Variants in C12orf42 observed in about 807,000 individuals in gnomAD.
C12orf42 encodes the protein chromosome 12 open reading frame 42, also known as uncharacterized protein C12orf42.
Under a neutral mutation model 21.6 loss-of-function variants are expected in C12orf42, and 25 were observed. That is an observed-to-expected ratio of 1.16 (90% CI 0.84 to 1.62). The LOEUF is 1.62. Ranked by LOEUF, C12orf42 falls within the 40% of genes most tolerant of loss-of-function variation. The pLI is 0.00. For synonymous variants in C12orf42, 174 were observed against 175.0 expected, an observed-to-expected ratio of 0.99 and a Z score of 0.05; for missense variants, 483 against 459.3, an observed-to-expected ratio of 1.05 and a Z score of -0.47.
At chr12:103,307,129 AT>A (rs1183574389) in intron 4 of C12orf42, among the ~76,000 whole-genome samples, 2 of 152,150 alleles carry the variant, frequency 1.3e-5, no homozygotes, top group African/African-American at 4.8e-5. Flanking sequence ...TAAGTCACCC[AT>A]TTTGTGGTAA....
rs372738489 is a variant in C12orf42 at position 103,368,987 on chromosome 12, A to G, written c.159T>C (p.Cys53=). The change falls in exon 4 of 6, where the codon TGT becomes TGC. Residue 53 remains cysteine (C), a synonymous_variant. Transcript: ENST00000548883. ...RSTPSAKHIP[C]YERTSVPCSR... is the part of the protein sequence containing the mutation. Reference sequence around the variant, plus strand: ...AGCAGGGTACTGAAGTTCTTTCATAACAAGGGATGTGCTGTAAGATAGAGG... The same window carrying G: ...AGCAGGGTACTGAAGTTCTTTCATAGCAAGGGATGTGCTGTAAGATAGAGG... 51 of 1,582,536 alleles carry G rather than the reference A, an allele frequency of 3.2e-5. No homozygotes were observed. In the African/African-American group the frequency reaches 6.5e-4, roughly 20 times the overall value.
upstream of C12orf42, among the ~76,000 whole-genome samples, chr12:103,497,361 T>C (rs771348784): frequency 1.3e-5 from 2 of 152,224 alleles, no homozygotes; most frequent in African/African-American, 2.4e-5. Flanking sequence ...AAGGTACTCC[T>C]AAATACATAG....
chr12:103,392,183 A>C (rs547324317), intron 3 of C12orf42, among the ~76,000 whole-genome samples: 1 of 152,276 alleles, frequency 6.6e-6, no homozygotes, highest in East Asian at 1.9e-4. Context: ...ATCAGTTTAT[A>C]TGCCTATCTG....
chr12:103,342,636 A>C (rs1373386533), intron 4 of C12orf42, among the ~76,000 whole-genome samples: 1 of 150,090 alleles, frequency 6.7e-6, no homozygotes, highest in East Asian at 2.0e-4. Context: ...CCAGATTCAA[A>C]GATTATATAT....
the C12orf42 span, among the ~76,000 whole-genome samples, chr12:103,507,263 AAT>A: frequency 4.7e-4 from 27 of 57,278 alleles, no homozygotes; most frequent in Non-Finnish European, 6.0e-4. Flanking sequence ...ATAAATATAT[AAT>A]ATATATATTA....
chr12:103,089,248 C>T, the C12orf42 span, among the ~76,000 whole-genome samples: 2 of 152,012 alleles, frequency 1.3e-5, 1 homozygote, highest in Non-Finnish European at 2.9e-5. Flanking sequence ...GACCCTGAGT[C>T]AGAACCACTC....
chr12:103,507,102 AT>A, the C12orf42 span, among the ~76,000 whole-genome samples: 4 of 11,884 alleles, frequency 3.4e-4, no homozygotes, highest in Admixed American at 1.6e-3. Context: ...TATTATATAT[AT>A]AATATAAATA....
At chr12:103,163,830 C>T in the C12orf42 span, among the ~76,000 whole-genome samples, 10 of 152,056 alleles carry the variant, frequency 6.6e-5, no homozygotes, top group Non-Finnish European at 4.4e-5. Flanking sequence ...AGTTAAAGTG[C>T]CTACTTCATA....
intron 3 of C12orf42, among the ~76,000 whole-genome samples, chr12:103,398,434 T>C (rs1001298122): frequency 1.3e-5 from 2 of 152,202 alleles, no homozygotes; most frequent in African/African-American, 4.8e-5. Context: ...TGTTAGTATT[T>C]GCTCTCCAAA....
chr12:103,335,930 G>T (rs1409379522), intron 4 of C12orf42, among the ~76,000 whole-genome samples: 1 of 152,182 alleles, frequency 6.6e-6, no homozygotes, highest in African/African-American at 2.4e-5. Flanking sequence ...AATAATATCT[G>T]CATGGCCCTC....
intron 4 of C12orf42, among the ~76,000 whole-genome samples, chr12:103,292,576 T>C (rs2036892570): frequency 6.6e-6 from 1 of 152,080 alleles, no homozygotes; most frequent in African/African-American, 2.4e-5. Flanking sequence ...ATCAACACTA[T>C]CAGTATTACT....
intron 2 of C12orf42, among the ~76,000 whole-genome samples, chr12:103,470,700 C>CT (rs1207475691): frequency 6.6e-6 from 1 of 152,158 alleles, no homozygotes; most frequent in African/African-American, 2.4e-5. Context: ...TTTGGGAACA[C>CT]TTGTTCTTGG....
chr12:103,403,170 T>C (rs992445778), intron 2 of C12orf42, among the ~76,000 whole-genome samples: 60 of 151,934 alleles, frequency 3.9e-4, no homozygotes, highest in African/African-American at 1.4e-3. Flanking sequence ...GGTCAGGAGA[T>C]CGAGACCACC....
In C12orf42 at chr12:103,455,982, G is replaced by A. The variant is rs534252897; in HGVS notation, c.78+22367C>T. Among the ~76,000 whole-genome samples the A allele has an allele frequency of 3.9e-5, 6 of 152,138 alleles. No individual in the cohort carries two copies. The East Asian group carries it at 1.2e-3, about 29-fold the overall frequency. On this transcript the variant is annotated intron_variant, in intron 2 of 5. Transcript: ENST00000548883. The stretch of plus-strand genomic sequence containing the variant: ...AGAACTCTCACAGAACAAGTTAAGG[G>A]AAGCAACTTCATTACTCATACATAG...
rs556243478 is a variant in C12orf42, at chr12:103,466,109, C to T, written c.78+12240G>A. ...CTTTTGGTATCAGGATGATGCTGGT[C>T]TCATAAAATGACTTAGGGAGGTGTC... On this transcript the variant is annotated intron_variant, in intron 2 of 5. Transcript: ENST00000548883. 6.6e-5 allele frequency among the ~76,000 whole-genome samples: 10 copies of T among 152,188 alleles called. No individual in the cohort carries two copies. In the South Asian group the frequency reaches 1.9e-3, roughly 28 times the overall value.
chr12:103,456,594 A>G (rs1178656763), intron 2 of C12orf42, among the ~76,000 whole-genome samples: 4 of 152,210 alleles, frequency 2.6e-5, no homozygotes, highest in Admixed American at 1.3e-4. Context: ...AAAACAGCAC[A>G]TAGCACGCAT....
the C12orf42 span, among the ~76,000 whole-genome samples, chr12:103,054,494 A>T: frequency 6.6e-6 from 1 of 151,768 alleles, no homozygotes; most frequent in Non-Finnish European, 1.5e-5. Context: ...ACATTGCTCA[A>T]AATTTTCCAT....
At chr12:103,489,149 G>C (rs1955024738) in intron 1 of C12orf42, among the ~76,000 whole-genome samples, 1 of 151,638 alleles carries the variant, frequency 6.6e-6, no homozygotes, top group Non-Finnish European at 1.5e-5. Context: ...TGTCCTTTTT[G>C]TTGATGTTAA....
chr12:103,110,352 A>T, the C12orf42 span, among the ~76,000 whole-genome samples: 21 of 152,240 alleles, frequency 1.4e-4, no homozygotes, highest in Non-Finnish European at 2.5e-4. Flanking sequence ...AAGCAAGATT[A>T]CATATTGCTA....
Sources: allele counts gnomAD v4.1 joint callset (sites outside exome capture counted in the v4.1 genomes callset), GRCh38; gene constraint gnomAD v4.1.1; transcripts MANE v1.5; gene names NCBI Gene and HGNC (gene_info 2026-07-23, HGNC 2026-07-21).